The following SPECC1 variants were observed in gnomAD, a reference collection of about 807,000 sequenced individuals.
SPECC1 encodes sperm antigen with calponin homology and coiled-coil domains 1.
In SPECC1, 62 loss-of-function variants were observed where a neutral mutation model predicts 104.1. That is an observed-to-expected ratio of 0.60 (90% CI 0.49 to 0.74). The LOEUF (loss-of-function observed/expected upper bound fraction) is 0.74, where lower values mean the gene tolerates loss of function less well. Ranked by LOEUF, SPECC1 falls within the 30% of genes least tolerant of loss-of-function variation. The probability of loss-of-function intolerance (pLI) is 0.00; values close to 1 mark genes in which losing one functional copy is unlikely to be tolerated. For missense variants in SPECC1, 1,306 were observed against 1,310.5 expected, an observed-to-expected ratio of 1.00 and a Z score of 0.05; for synonymous variants, 513 against 501.6, an observed-to-expected ratio of 1.02 and a Z score of -0.30.
At chr17:20,039,358 C>T (rs1354587146) in intron 1 of SPECC1, among the ~76,000 whole-genome samples, 1 of 152,092 alleles carries the variant, frequency 6.6e-6, no homozygotes, top group Non-Finnish European at 1.5e-5. Context: ...TGTTGAATCT[C>T]CAAGCAGAAT....
chr17:20,271,354 C>T (rs187503550), intron 12 of SPECC1, among the ~76,000 whole-genome samples: 5 of 152,254 alleles, frequency 3.3e-5, no homozygotes, highest in South Asian at 2.1e-4. Flanking sequence ...TCCCACCCCC[C>T]CCATGCTTCC....
At chr17:20,043,188 C>T (rs183005301) in intron 1 of SPECC1, among the ~76,000 whole-genome samples, 20 of 152,174 alleles carry the variant, frequency 1.3e-4, no homozygotes, top group African/African-American at 4.3e-4. Context: ...GCTGTGTGGG[C>T]GATGCTGTGT....
chr17:20,090,991 G>C (rs2152499661), intron 1 of SPECC1, among the ~76,000 whole-genome samples: 1 of 152,296 alleles, frequency 6.6e-6, no homozygotes, highest in South Asian at 2.1e-4. Flanking sequence ...GGAGTCCATA[G>C]TTTCTTACTC....
At chr17:20,102,895 C>T (rs1209573650) in intron 2 of SPECC1, among the ~76,000 whole-genome samples, 1 of 152,214 alleles carries the variant, frequency 6.6e-6, no homozygotes, top group Non-Finnish European at 1.5e-5. Context: ...TCAATGCATA[C>T]TGTGTCAGAC....
At chr17:20,262,978 G>A (rs1024691021) in intron 12 of SPECC1, among the ~76,000 whole-genome samples, 1 of 152,130 alleles carries the variant, frequency 6.6e-6, no homozygotes, top group African/African-American at 2.4e-5. Flanking sequence ...CCACTGTAGT[G>A]CAGTGTGGGT....
intron 3 of SPECC1, among the ~76,000 whole-genome samples, chr17:20,124,468 C>T (rs2049185458): frequency 6.6e-6 from 1 of 152,054 alleles, no homozygotes; most frequent in South Asian, 2.1e-4. Context: ...AGGGAGGGGC[C>T]TGGGGCAGGT....
At chr17:20,283,944 T>A (rs1346689737) in intron 12 of SPECC1, among the ~76,000 whole-genome samples, 1 of 152,176 alleles carries the variant, frequency 6.6e-6, no homozygotes. Context: ...GCTATACATA[T>A]ATTGGTTTTA....
At chr17:20,294,533 T>A (rs944708413) in intron 12 of SPECC1, among the ~76,000 whole-genome samples, 1 of 152,162 alleles carries the variant, frequency 6.6e-6, no homozygotes, top group Non-Finnish European at 1.5e-5. Flanking sequence ...CTCATCTTGG[T>A]CTGCTTGTTG....
chr17:20,194,463 C>T (rs1275304745), intron 3 of SPECC1, among the ~76,000 whole-genome samples: 1 of 149,340 alleles, frequency 6.7e-6, no homozygotes, highest in Non-Finnish European at 1.5e-5. Flanking sequence ...GGTAACATAA[C>T]CAATTTCTCC....
chr17:20,096,761 C>T lies in SPECC1; in HGVS notation c.110C>T (p.Ser37Phe). The change falls in exon 2 of 15, where the codon TCT (serine) becomes TTT (phenylalanine). Residue 37 changes from serine to phenylalanine, a missense_variant. Ser to Phe is a radical substitution (Grantham distance 155, BLOSUM62 -2). Transcript: ENST00000395527. Reference sequence around the variant, plus strand: ...TCTTCCGGCATGAAGAGTTCTAAGTCTTCAACTTCCTTGGCTTTTGAGTCC... The same window carrying T: ...TCTTCCGGCATGAAGAGTTCTAAGTTTTCAACTTCCTTGGCTTTTGAGTCC... ...AASSGMKSSKSSTSLAFESRL... is the reference protein window; with the variant it reads ...AASSGMKSSKFSTSLAFESRL... The T allele has an allele frequency of 6.2e-7, 1 of 1,614,134 alleles. No individual in the cohort carries two copies.
At chr17:20,254,380 C>G (rs2039748318) in intron 10 of SPECC1, among the ~76,000 whole-genome samples, 1 of 152,158 alleles carries the variant, frequency 6.6e-6, no homozygotes, top group Admixed American at 6.5e-5. Context: ...CCCCACTTCT[C>G]TGTGCTTTAG....
At chr17:20,306,687 AAGAG>A (rs1172769219) in intron 14 of SPECC1, among the ~76,000 whole-genome samples, 6 of 152,210 alleles carry the variant, frequency 3.9e-5, no homozygotes, top group African/African-American at 1.2e-4. Context: ...AGAGAGAGAA[AAGAG>A]AGAGAGTCTC....
intron 4 of SPECC1, among the ~76,000 whole-genome samples, chr17:20,211,278 A>G (rs1305209849): frequency 6.6e-6 from 1 of 152,236 alleles, no homozygotes; most frequent in Non-Finnish European, 1.5e-5. Context: ...ACTGGCACCA[A>G]ATATCAACTC....
In SPECC1 at chr17:20,316,210, A is replaced by G. The variant is rs1464036370; in HGVS notation, c.*2145A>G. Reference sequence around the variant, plus strand: ...CTGTACTTCTTCTTTGCCCACCATTAAAGTGGGGGAAAGTAATATCCCAAG... The same window carrying G: ...CTGTACTTCTTCTTTGCCCACCATTGAAGTGGGGGAAAGTAATATCCCAAG... On this transcript the variant is annotated 3_prime_UTR_variant, in exon 15 of 15. Coordinates refer to ENST00000395527, the MANE Select transcript of SPECC1 (RefSeq NM_001243439.2). 1 of 229,148 alleles carries G rather than the reference A, an allele frequency of 4.4e-6. No individual in the cohort carries two copies. The highest frequency in any genetic ancestry group is 8.6e-6 in the Non-Finnish European group (1 of 115,988). 14.2% of individuals were successfully genotyped at this position (229,148 alleles called of 1,614,324 possible).
chr17:20,100,343 A>G (rs549508152), intron 2 of SPECC1, among the ~76,000 whole-genome samples: 32 of 152,332 alleles, frequency 2.1e-4, no homozygotes, highest in Admixed American at 6.5e-4. Flanking sequence ...AATACTAAAA[A>G]GGAAGTCAGA....
At chr17:20,156,235 A>C (rs1394427982) in intron 3 of SPECC1, 1 of 1,374,304 alleles carries the variant, frequency 7.3e-7, no homozygotes, top group Non-Finnish European at 9.4e-7. Context: ...ATCCGGAACC[A>C]GGTCTGTGCG....
rs539710580 is a variant in SPECC1 at position 20,129,724 on chromosome 17, T to A, written c.283+19162T>A. ...GTCAAAATTCTTTGCCTAGAGCCAG[T>A]TTTGTTGTTGTTGTTGTTGTTGTTT... On this transcript the variant is annotated intron_variant, in intron 3 of 14. Transcript: ENST00000395527. Among the ~76,000 whole-genome samples, 12 of 103,962 alleles carry A rather than the reference T, an allele frequency of 1.2e-4. No individual in the cohort carries two copies. In the East Asian group the frequency reaches 2.0e-3, roughly 18 times the overall value. 68.2% of individuals were successfully genotyped at this position (103,962 alleles called of 152,430 possible).
At chr17:20,183,343 A>G (rs1230276326) in intron 3 of SPECC1, among the ~76,000 whole-genome samples, 1 of 152,224 alleles carries the variant, frequency 6.6e-6, no homozygotes, top group Non-Finnish European at 1.5e-5. Context: ...TCTCTTGAGG[A>G]ATCCAGGAAT....
intron 9 of SPECC1, among the ~76,000 whole-genome samples, chr17:20,249,242 A>T (rs913650950): frequency 6.6e-6 from 1 of 151,968 alleles, no homozygotes; most frequent in Non-Finnish European, 1.5e-5. Context: ...ACATAGTGAA[A>T]CCCCGTCTCT....
Sources: allele counts gnomAD v4.1 joint callset (sites outside exome capture counted in the v4.1 genomes callset), GRCh38; gene constraint gnomAD v4.1.1; transcripts MANE v1.5; gene names NCBI Gene and HGNC (gene_info 2026-07-23, HGNC 2026-07-21).